Variants in FAT2 observed in about 807,000 individuals in gnomAD.
FAT2 encodes protocadherin Fat 2.
A neutral mutation model predicts 295.3 loss-of-function variants in FAT2; 150 were observed. That is an observed-to-expected ratio of 0.51 (90% CI 0.44 to 0.58). FAT2 has a LOEUF of 0.58. FAT2 is among the 20% of genes least tolerant of loss of function. The pLI is 0.00. For synonymous variants in FAT2, 2,026 were observed against 2,150.3 expected (o/e 0.94, Z 1.60); for missense variants, 4,868 against 5,442.7 (o/e 0.89, Z 3.32).
chr5:151,591,822 A>G (rs551908541), upstream of FAT2, among the ~76,000 whole-genome samples: 1 of 152,348 alleles, frequency 6.6e-6, no homozygotes, highest in South Asian at 2.1e-4. Flanking sequence ...GATGGGGATA[A>G]TAATAGCTCC....
rs1755340746 is a variant in FAT2 at position 151,536,722 on chromosome 5, T to C, written c.9193+1071A>G. Among the ~76,000 whole-genome samples the C allele has an allele frequency of 2.0e-5, 3 of 152,228 alleles. No individual in the cohort carries two copies. The South Asian group carries it at 6.2e-4, about 32-fold the overall frequency. ...AGACCTGGGCTAGGCTTCCATATGC[T>C]TTCTCACCTGTGTTATAACAATTCT... On this transcript the variant is annotated intron_variant, in intron 12 of 23. Transcript: ENST00000261800.
upstream of FAT2, among the ~76,000 whole-genome samples, chr5:151,592,924 T>C (rs1031132183): frequency 2.0e-5 from 3 of 152,222 alleles, no homozygotes; most frequent in Non-Finnish European, 4.4e-5. Flanking sequence ...TTTATGCAGC[T>C]GCTGCAGCCA....
At chr5:151,555,415 G>A (rs1178060493) in intron 4 of FAT2, among the ~76,000 whole-genome samples, 1 of 140,650 alleles carries the variant, frequency 7.1e-6, no homozygotes, top group African/African-American at 2.7e-5. Context: ...CTATCGCCCA[G>A]GCTGGAGTTC....
rs1334328970 is a variant in FAT2, at chr5:151,567,413, T to C, written c.1519A>G (p.Ile507Val). ...GAGATGATCCCCAGGTAGGGGTCAATAGAAAATGGCAAAGCTTTTGGTCCA... is the reference window on the plus strand; with the variant it reads ...GAGATGATCCCCAGGTAGGGGTCAACAGAAAATGGCAAAGCTTTTGGTCCA... ...IAGPKALPFS[I>V]DPYLGIISTS... The change falls in exon 2 of 24, where the codon ATT (isoleucine) becomes GTT (valine). Residue 507 changes from isoleucine (I) to valine (V), a missense_variant. This residue lies in a region of FAT2 where 3,297 missense variants were observed against 3,669.4 expected (regional missense o/e 0.90). Coordinates refer to ENST00000261800, the MANE Select transcript of FAT2 (RefSeq NM_001447.3). 6.2e-7 allele frequency: 1 copy of C among 1,614,174 alleles called. No individual in the cohort carries two copies. The highest frequency in any genetic ancestry group is 8.5e-7 in the Non-Finnish European group (1 of 1,180,028).
chr5:151,553,146 G>T (rs752413672), intron 6 of FAT2, 31 bp downstream of exon 6: 3 of 1,603,020 alleles, frequency 1.9e-6, no homozygotes, highest in Non-Finnish European at 1.7e-6. Context: ...GGGAGGGGTT[G>T]GCCCTTGTTG....
At chr5:151,594,581 A>G (rs148678067), upstream of FAT2, among the ~76,000 whole-genome samples, 3 of 152,344 alleles carry the variant, frequency 2.0e-5, no homozygotes, top group East Asian at 5.8e-4. Context: ...TAAAGTTTTT[A>G]CAGGGGTGCC....
chr5:151,516,910 A>G (rs1581294283), intron 20 of FAT2, among the ~76,000 whole-genome samples: 1 of 152,268 alleles, frequency 6.6e-6, no homozygotes, highest in East Asian at 1.9e-4. Context: ...GTTCGAGACC[A>G]GCCTGGCCAA....
chr5:151,544,768 G>A lies in FAT2; in HGVS notation c.6359C>T (p.Pro2120Leu), dbSNP rs572764567. The change falls in exon 10 of 24, where the codon CCC (proline) becomes CTC (leucine). Residue 2120 changes from proline to leucine, a missense_variant. Coordinates refer to ENST00000261800, the MANE Select transcript of FAT2 (RefSeq NM_001447.3). Reference protein sequence around the residue: ...AEDYTYFRIDPYLGDISLKKP... With the variant: ...AEDYTYFRIDLYLGDISLKKP... ...CTTGAGTGATATGTCCCCAAGATAG[G>A]GGTCAATTCGGAAATATGTGTAATC... 4 of 1,614,120 alleles carry A rather than the reference G, an allele frequency of 2.5e-6. No homozygotes were observed. The highest frequency in any genetic ancestry group is 2.2e-5 in the East Asian group (1 of 44,876).
chr5:151,588,243 C>T (rs116835729), intron 1 of FAT2, among the ~76,000 whole-genome samples: 34 of 152,282 alleles, frequency 2.2e-4, no homozygotes, highest in African/African-American at 7.5e-4. Flanking sequence ...CATTGCTGAT[C>T]CCACATTGCC....
At chr5:151,583,067 G>A (rs1015633805) in intron 1 of FAT2, among the ~76,000 whole-genome samples, 7 of 152,022 alleles carry the variant, frequency 4.6e-5, no homozygotes, top group Non-Finnish European at 8.8e-5. Context: ...ATCTTCCTGA[G>A]GTCTTTCTAT....
At chr5:151,536,976 C>G (rs1346100715) in intron 12 of FAT2, among the ~76,000 whole-genome samples, 4 of 152,190 alleles carry the variant, frequency 2.6e-5, no homozygotes, top group Admixed American at 1.3e-4. Context: ...TGTATAAATT[C>G]TCCTGCCTTG....
At position 151,520,720 on chromosome 5, in the gene FAT2, A is replaced by T. The variant is rs771252694; in HGVS notation, c.11317+556T>A. Among the ~76,000 whole-genome samples, 22 of 152,238 alleles carry T rather than the reference A, an allele frequency of 1.4e-4. 1 individual carries two copies. The highest frequency in any genetic ancestry group is 4.1e-4 in the South Asian group (2 of 4,832). On this transcript the variant is annotated intron_variant, in intron 19 of 23. Transcript: ENST00000261800. ...CAGAGGGTTTTAACAATACACCCAA[A>T]GTTACACAGCTAGTGACTGATGGAG...
chr5:151,545,664 G>C lies in FAT2; in HGVS notation c.5463C>G (p.Thr1821=). 1 of 1,614,108 alleles carries C rather than the reference G, an allele frequency of 6.2e-7. No homozygotes were observed. Among genetic ancestry groups the C allele is most frequent in the Non-Finnish European group, 8.5e-7 (1 of 1,180,018 alleles). ...AATCCATCTCTGATACAATGGTTAG[G>C]GTTCCCATGCTGGGATCAATTTTGA... is the stretch of plus-strand genomic sequence containing the variant. ...KFFKIDPSMG[T]LTIVSEMDYE... The change falls in exon 10 of 24, where the codon ACC becomes ACG. Residue 1821 remains threonine (T), a synonymous_variant. Coordinates refer to ENST00000261800, the MANE Select transcript of FAT2 (RefSeq NM_001447.3).
chr5:151,512,220 G>A lies in FAT2; in HGVS notation c.11850C>T (p.Tyr3950=), dbSNP rs753213404. Reference sequence around the variant, plus strand: ...CATTGAGGCATGTGTTCTGGCTGCAGTAGTCACTGTGGAGGCAGCACTGGG... The same window carrying A: ...CATTGAGGCATGTGTTCTGGCTGCAATAGTCACTGTGGAGGCAGCACTGGG... ...ALTQCCLHSD[Y]CSQNTCLNGG... is the part of the protein sequence containing the mutation. Residue 3950 remains tyrosine, a synonymous_variant, in exon 21 of 24, where the codon TAC becomes TAT. Coordinates refer to ENST00000261800, the MANE Select transcript of FAT2 (RefSeq NM_001447.3). This position sits in a 1 kb window ranked among gnomAD's most constrained non-coding sequence, Gnocchi z 4.1. The A allele has an allele frequency of 6.2e-7, 1 of 1,614,224 alleles. No individual in the cohort carries two copies. The highest frequency in any genetic ancestry group is 8.5e-7 in the Non-Finnish European group (1 of 1,180,044).
chr5:151,527,308 T>A lies in FAT2; in HGVS notation c.10234A>T (p.Ile3412Phe). Residue 3412 changes from isoleucine to phenylalanine, a missense_variant, in exon 17 of 24, where the codon ATC (isoleucine) becomes TTC (phenylalanine). Physicochemically the swap from Ile to Phe is conservative, Grantham distance 21. Transcript: ENST00000261800. ...GQPPLHEDTD[I>F]AIQVADVNDN... is the part of the protein sequence containing the mutation. ...TTGACATCAGCCACTTGGATAGCGA[T>A]GTCTGTGTCCTCATGCAGTGGAGGC... The A allele has an allele frequency of 1.2e-6, 2 of 1,613,856 alleles. No individual in the cohort carries two copies. Among genetic ancestry groups the A allele is most frequent in the South Asian group, 2.2e-5 (2 of 91,046 alleles).
At chr5:151,564,442 A>G (rs6878556) in intron 2 of FAT2, among the ~76,000 whole-genome samples, 73,590 of 152,104 alleles carry the variant, frequency 0.48, 18,012 homozygotes, top group Non-Finnish European at 0.53. Flanking sequence ...AATTAAATTA[A>G]GCTGTTTTCT....
Position 151,567,323 on chromosome 5 carries a change from C to G in FAT2, c.1609G>C (p.Asp537His), listed in dbSNP as rs1204366992. 1 of 1,614,186 alleles carries G rather than the reference C, an allele frequency of 6.2e-7. No homozygotes were observed. ...RIYTFRVRASDWGSPFRREKE... is the reference protein window; with the variant it reads ...RIYTFRVRASHWGSPFRREKE... ...TCCCGGCGAAAAGGGGATCCCCAGT[C>G]TGATGCTCTTACCCGGAAGGTATAA... The change falls in exon 2 of 24, where the codon GAC (aspartate) becomes CAC (histidine). Residue 537 changes from aspartate to histidine, a missense_variant. By Grantham distance (81) the Asp-to-His change is moderately conservative. Coordinates refer to ENST00000261800, the MANE Select transcript of FAT2 (RefSeq NM_001447.3).
rs892304697 is a variant in FAT2 at position 151,531,826 on chromosome 5, T to C, written c.9572A>G (p.Asp3191Gly). 3.1e-6 allele frequency: 5 copies of C among 1,612,758 alleles called. No individual in the cohort carries two copies. The Admixed American group carries it at 5.0e-5, about 16-fold the overall frequency. Residue 3191 changes from aspartate to glycine, a missense_variant, in exon 14 of 24, where the codon GAC (aspartate) becomes GGC (glycine). By Grantham distance (94) the Asp-to-Gly change is moderately conservative. This residue lies in a region of FAT2 where 1,046 missense variants were observed against 1,210.1 expected (regional missense o/e 0.86). Transcript: ENST00000261800. This position sits in a 1 kb window ranked among gnomAD's most constrained non-coding sequence, Gnocchi z 5.7. ...APLELTVRAS[D>G]LGTPIPLSTL... Reference sequence around the variant, plus strand: ...GGACAGCGGTATTGGGGTGCCCAGGTCAGAGGCACGGACCGTGAGCTCCAG... The same window carrying C: ...GGACAGCGGTATTGGGGTGCCCAGGCCAGAGGCACGGACCGTGAGCTCCAG...
rs762623182 is a variant in FAT2 at position 151,542,619 on chromosome 5, C to T, written c.8508G>A (p.Leu2836=). Residue 2836 remains leucine, a synonymous_variant, in exon 10 of 24, where the codon CTG becomes CTA. Coordinates refer to ENST00000261800, the MANE Select transcript of FAT2 (RefSeq NM_001447.3). ...TGRDGQVSYR[L]SADPGSNVHE... is the part of the protein sequence containing the mutation. ...GGACATTGCTACCAGGGTCTGCAGA[C>T]AGCCTGTAGCTCACCTGGCCATCTC... 6.8e-6 allele frequency: 11 copies of T among 1,614,094 alleles called. No individual in the cohort carries two copies. The South Asian group carries it at 1.1e-4, about 16-fold the overall frequency.
Sources: allele counts gnomAD v4.1 joint callset (sites outside exome capture counted in the v4.1 genomes callset), GRCh38; gene constraint gnomAD v4.1.1; regional missense constraint gnomAD v4.1.1; non-coding constraint Gnocchi (gnomAD v3.1); transcripts MANE v1.5; gene names NCBI Gene and HGNC (gene_info 2026-07-23, HGNC 2026-07-21).